ZNF469: variants seen among roughly 807,000 people sequenced by gnomAD.
ZNF469 encodes the protein zinc finger protein 469.
In ZNF469, 1 loss-of-function variant was observed where a neutral mutation model predicts 1.0. That is an observed-to-expected ratio of 1.00 (90% CI 0.35 to 4.73). The LOEUF (loss-of-function observed/expected upper bound fraction) is 4.73, where lower values mean the gene tolerates loss of function less well. Ranked by LOEUF, ZNF469 falls within the 30% of genes most tolerant of loss-of-function variation. ZNF469 has a pLI of 0.16. For missense variants in ZNF469, 6,100 were observed against 5,356.3 expected, an observed-to-expected ratio of 1.14 and a Z score of -4.33; for synonymous variants, 2,703 against 2,363.4, an observed-to-expected ratio of 1.14 and a Z score of -4.17.
the ZNF469 span, among the ~76,000 whole-genome samples, chr16:88,134,285 C>T: frequency 6.6e-6 from 1 of 152,190 alleles, no homozygotes; most frequent in African/African-American, 2.4e-5. Flanking sequence ...CTGCTTTGTT[C>T]CTTTTCATGG....
the ZNF469 span, among the ~76,000 whole-genome samples, chr16:88,265,268 G>A: frequency 1.3e-5 from 2 of 152,236 alleles, no homozygotes; most frequent in South Asian, 2.1e-4. Context: ...CACTGACCAA[G>A]AAAGGGATCC....
intron 1 of ZNF469, among the ~76,000 whole-genome samples, chr16:88,419,655 G>T (rs1052981956): frequency 1.3e-5 from 2 of 152,058 alleles, no homozygotes; most frequent in African/African-American, 4.8e-5. Context: ...CCCTTGAAGC[G>T]CCGTCTGCCC....
At chr16:88,248,105 A>C in the ZNF469 span, among the ~76,000 whole-genome samples, 1 of 152,172 alleles carries the variant, frequency 6.6e-6, no homozygotes, top group Non-Finnish European at 1.5e-5. Flanking sequence ...TGAGAGCCAG[A>C]GAACCAGTCT....
At chr16:88,349,965 C>T in the ZNF469 span, among the ~76,000 whole-genome samples, 7 of 56,556 alleles carry the variant, frequency 1.2e-4, no homozygotes, top group South Asian at 6.4e-4. Flanking sequence ...ACACCATGAG[C>T]GATACATACC....
chr16:88,304,998 A>G, the ZNF469 span, among the ~76,000 whole-genome samples: 2 of 152,084 alleles, frequency 1.3e-5, no homozygotes, highest in African/African-American at 4.8e-5. Context: ...AAGCCACTGG[A>G]TGATTTAGGA....
At chr16:88,306,769 G>A in the ZNF469 span, among the ~76,000 whole-genome samples, 3,075 of 152,272 alleles carry the variant, frequency 0.02, 107 homozygotes, top group African/African-American at 0.069. Context: ...GCTTTATTCC[G>A]TCTCCTTCCC....
chr16:88,369,055 G>A, the ZNF469 span, among the ~76,000 whole-genome samples: 1 of 151,466 alleles, frequency 6.6e-6, no homozygotes, highest in Non-Finnish European at 1.5e-5. Context: ...CTACATTCTG[G>A]GCAACAGAGT....
chr16:88,259,363 T>G, the ZNF469 span, among the ~76,000 whole-genome samples: 675 of 152,080 alleles, frequency 4.4e-3, 9 homozygotes, highest in African/African-American at 0.015. This position sits in a 1 kb window ranked among gnomAD's most constrained non-coding sequence, Gnocchi z 4.1. Context: ...CCCGCCAGAT[T>G]CTGCGGAGTC....
At chr16:88,183,484 C>T in the ZNF469 span, among the ~76,000 whole-genome samples, 66 of 152,318 alleles carry the variant, frequency 4.3e-4, 1 homozygote, top group African/African-American at 1.6e-3. Flanking sequence ...TGCCACCACA[C>T]GGGTCCCGCG....
At chr16:88,379,110 T>A (rs2092515239), upstream of ZNF469, among the ~76,000 whole-genome samples, 1 of 152,228 alleles carries the variant, frequency 6.6e-6, no homozygotes, top group Admixed American at 6.5e-5. Context: ...GTTTCATTTT[T>A]ACATCAGGCA....
chr16:88,303,813 AT>A, the ZNF469 span, among the ~76,000 whole-genome samples: 2 of 152,188 alleles, frequency 1.3e-5, no homozygotes, highest in Non-Finnish European at 2.9e-5. Flanking sequence ...AATGACAATT[AT>A]CTTCCTCTCA....
chr16:88,184,901 G>A, the ZNF469 span, among the ~76,000 whole-genome samples: 1 of 152,156 alleles, frequency 6.6e-6, no homozygotes, highest in East Asian at 1.9e-4. Context: ...CAATCCACAT[G>A]CACACACTCA....
At position 88,432,840 on chromosome 16, in the gene ZNF469, C is replaced by T; in HGVS notation, c.5370C>T (p.Ala1790=). The T allele has an allele frequency of 6.5e-7, 1 of 1,550,342 alleles. No individual in the cohort carries two copies. Among genetic ancestry groups the T allele is most frequent in the Non-Finnish European group, 8.7e-7 (1 of 1,146,982 alleles). The change falls in exon 3 of 3, where the codon GCC becomes GCT. Residue 1790 remains alanine (A), a synonymous_variant. Coordinates refer to ENST00000565624, the MANE Select transcript of ZNF469 (RefSeq NM_001367624.2). ...CAGCAGACCAGCCCCACCGAGGGGC[C>T]CCTGCTCCAGAAGCTTTTGGCAGCC... ...PGTADQPHRG[A]PAPEAFGSPA...
chr16:88,110,425 G>T, the ZNF469 span, among the ~76,000 whole-genome samples: 1 of 152,248 alleles, frequency 6.6e-6, no homozygotes, highest in Non-Finnish European at 1.5e-5. Context: ...CTCTGGCAGG[G>T]GCTGGCTCTC....
At chr16:88,190,182 T>C in the ZNF469 span, among the ~76,000 whole-genome samples, 1 of 152,298 alleles carries the variant, frequency 6.6e-6, no homozygotes, top group Non-Finnish European at 1.5e-5. Flanking sequence ...ACCTTCTCAT[T>C]TTTCTGGGCA....
the ZNF469 span, among the ~76,000 whole-genome samples, chr16:88,177,059 T>C: frequency 6.6e-6 from 1 of 152,308 alleles, no homozygotes; most frequent in South Asian, 2.1e-4. This position sits in a 1 kb window ranked among gnomAD's most constrained non-coding sequence, Gnocchi z 4.8. Context: ...ACGTCTCTGG[T>C]GACTGACAGG....
chr16:88,228,010 G>T, the ZNF469 span, among the ~76,000 whole-genome samples: 144,514 of 152,310 alleles, frequency 0.95, 69,030 homozygotes, highest in East Asian at 1. Context: ...ACAGGGCGTT[G>T]TTCCTTCCAT....
At chr16:88,208,778 C>CA in the ZNF469 span, among the ~76,000 whole-genome samples, 1 of 67,270 alleles carries the variant, frequency 1.5e-5, no homozygotes, top group African/African-American at 4.3e-5. Flanking sequence ...CGCGTGCGCG[C>CA]GCACACACAC....
At chr16:88,283,960 A>AGTGCCTG in the ZNF469 span, among the ~76,000 whole-genome samples, 47 of 15,808 alleles carry the variant, frequency 3.0e-3, 3 homozygotes, top group African/African-American at 9.8e-3. Flanking sequence ...CAGTGTGCCC[A>AGTGCCTG]AGGTCTGTGG....
Sources: gnomAD v4.1 joint callset for allele counts (sites outside exome capture counted in the v4.1 genomes callset) on GRCh38, gnomAD v4.1.1 for gene constraint, Gnocchi (gnomAD v3.1) non-coding constraint, MANE v1.5 for transcripts, NCBI Gene and HGNC (gene_info 2026-07-23, HGNC 2026-07-21) for gene names.